Variants in SLC4A10 observed in about 807,000 individuals in gnomAD.
SLC4A10 encodes solute carrier family 4 member 10, also known as sodium-driven chloride bicarbonate exchanger.
Under a neutral mutation model 137.7 loss-of-function variants are expected in SLC4A10, and 42 were observed. The observed-to-expected ratio is 0.30, with a 90% CI of 0.24 to 0.39. The LOEUF is 0.39. Ranked by LOEUF, SLC4A10 falls within the 10% of genes least tolerant of loss-of-function variation. The pLI is 1.00. For missense variants in SLC4A10, 925 were observed against 1,355.0 expected (o/e 0.68, Z 4.98); for synonymous variants, 474 against 464.1 (o/e 1.02, Z -0.27).
chr2:161,719,021 T>C (rs1283152609), intron 1 of SLC4A10, among the ~76,000 whole-genome samples: 1 of 152,148 alleles, frequency 6.6e-6, no homozygotes, highest in Non-Finnish European at 1.5e-5. Flanking sequence ...TCATTTAGCA[T>C]TAGTTATATC....
At chr2:161,824,396 C>T (rs748180183) in intron 3 of SLC4A10, among the ~76,000 whole-genome samples, 7 of 152,168 alleles carry the variant, frequency 4.6e-5, no homozygotes, top group Admixed American at 2.6e-4. Flanking sequence ...CAAATTCCTG[C>T]TGGAGAAAAC....
intron 1 of SLC4A10, among the ~76,000 whole-genome samples, chr2:161,661,761 C>G (rs1404230816): frequency 6.6e-6 from 1 of 152,012 alleles, no homozygotes; most frequent in Non-Finnish European, 1.5e-5. Flanking sequence ...TTGAATTATT[C>G]AAACTGCATA....
chr2:161,920,207 G>A (rs1480961485), intron 15 of SLC4A10, among the ~76,000 whole-genome samples: 2 of 152,186 alleles, frequency 1.3e-5, no homozygotes, highest in South Asian at 2.1e-4. Context: ...AGCCCAGAGG[G>A]CCCAAGCAAA....
At chr2:161,762,135 AAG>A (rs1415629088) in intron 1 of SLC4A10, among the ~76,000 whole-genome samples, 1 of 152,136 alleles carries the variant, frequency 6.6e-6, no homozygotes, top group Admixed American at 6.6e-5. Context: ...TATGTAAGGA[AAG>A]AGAGAGTGAT....
At chr2:161,806,729 G>T (rs1293653008) in intron 3 of SLC4A10, among the ~76,000 whole-genome samples, 2 of 151,934 alleles carry the variant, frequency 1.3e-5, no homozygotes, top group African/African-American at 4.8e-5. Context: ...CAAGCTTTTG[G>T]TCAAAGCCAT....
intron 23 of SLC4A10, among the ~76,000 whole-genome samples, chr2:161,968,703 C>T (rs984691009): frequency 5.3e-5 from 8 of 152,048 alleles, no homozygotes; most frequent in African/African-American, 1.2e-4. Context: ...TAAAATATAG[C>T]TCTGACTAGT....
intron 1 of SLC4A10, among the ~76,000 whole-genome samples, chr2:161,716,684 T>C (rs370807863): frequency 1.6e-4 from 24 of 152,302 alleles, no homozygotes; most frequent in African/African-American, 5.3e-4. Flanking sequence ...TTTGTACCAA[T>C]ACCATGCTGC....
chr2:161,932,884 C>A (rs1354964425), intron 15 of SLC4A10, among the ~76,000 whole-genome samples: 1 of 152,012 alleles, frequency 6.6e-6, no homozygotes, highest in Non-Finnish European at 1.5e-5. Flanking sequence ...TCTCCCCATA[C>A]TCCTTGAGCC....
chr2:161,743,520 A>G (rs191028394), intron 1 of SLC4A10, among the ~76,000 whole-genome samples: 3 of 152,064 alleles, frequency 2.0e-5, no homozygotes, highest in Non-Finnish European at 4.4e-5. Context: ...TGGTTACTAT[A>G]GCTCTATAAT....
intron 1 of SLC4A10, among the ~76,000 whole-genome samples, chr2:161,713,700 T>C (rs546780031): frequency 2.0e-5 from 3 of 152,036 alleles, no homozygotes; most frequent in East Asian, 3.9e-4. Flanking sequence ...TTAGGGAAAA[T>C]TGGAAATTAA....
intron 19 of SLC4A10, among the ~76,000 whole-genome samples, chr2:161,954,655 T>C (rs556635789): frequency 2.2e-4 from 34 of 152,342 alleles, no homozygotes; most frequent in African/African-American, 8.2e-4. Flanking sequence ...AGAACTGCTT[T>C]ATTTATTTCC....
At chr2:161,834,103 G>C (rs2125756039) in intron 3 of SLC4A10, among the ~76,000 whole-genome samples, 1 of 152,344 alleles carries the variant, frequency 6.6e-6, no homozygotes. Context: ...AGCCTGATTG[G>C]TACATCCTCC....
intron 15 of SLC4A10, among the ~76,000 whole-genome samples, chr2:161,933,251 C>CT (rs1301630072): frequency 2.6e-4 from 20 of 76,858 alleles, no homozygotes; most frequent in Admixed American, 1.7e-3. Context: ...TTCTTTCTTT[C>CT]TTCTTTCTTT....
At chr2:161,771,564 T>A (rs571788447) in intron 2 of SLC4A10, among the ~76,000 whole-genome samples, 15 of 151,990 alleles carry the variant, frequency 9.9e-5, no homozygotes, top group Non-Finnish European at 1.0e-4. Context: ...CTGCAGTGGA[T>A]TCAAATACCA....
At chr2:161,654,892 G>A (rs2037297614) in intron 1 of SLC4A10, among the ~76,000 whole-genome samples, 1 of 151,956 alleles carries the variant, frequency 6.6e-6, no homozygotes, top group African/African-American at 2.4e-5. Flanking sequence ...TTGCAGAATT[G>A]TTTTTCTATT....
At chr2:161,724,545 C>T (rs1030143970) in intron 1 of SLC4A10, among the ~76,000 whole-genome samples, 4 of 151,968 alleles carry the variant, frequency 2.6e-5, no homozygotes, top group African/African-American at 7.2e-5. Flanking sequence ...GTGCAGCGTG[C>T]TATGGGAATC....
intron 1 of SLC4A10, among the ~76,000 whole-genome samples, chr2:161,657,468 A>G (rs1309688797): frequency 6.6e-6 from 1 of 152,038 alleles, no homozygotes; most frequent in East Asian, 1.9e-4. Context: ...AGTTATTATA[A>G]CCTACTCTTC....
intron 3 of SLC4A10, among the ~76,000 whole-genome samples, chr2:161,827,078 G>T (rs2058062355): frequency 6.6e-6 from 1 of 152,150 alleles, no homozygotes; most frequent in Admixed American, 6.5e-5. Flanking sequence ...TTCATTAAAT[G>T]TTTGTGTAAT....
At position 161,634,776 on chromosome 2, in the gene SLC4A10, G is replaced by A. The variant is rs906433737; in HGVS notation, c.48+10210G>A. Among the ~76,000 whole-genome samples, 13 of 151,788 alleles carry A rather than the reference G, an allele frequency of 8.6e-5. No homozygotes were observed. The East Asian group carries it at 2.1e-3, about 25-fold the overall frequency. ...AATATATGTGTTAACTATAGTCACT[G>A]TACTGTACAATAGAACACCAGAACT... On this transcript the variant is annotated intron_variant, in intron 1 of 26. Transcript: ENST00000446997.
Sources: allele counts gnomAD v4.1 joint callset (sites outside exome capture counted in the v4.1 genomes callset), GRCh38; gene constraint gnomAD v4.1.1; transcripts MANE v1.5; gene names NCBI Gene and HGNC (gene_info 2026-07-23, HGNC 2026-07-21).